PRKG1: variants seen among roughly 807,000 people sequenced by gnomAD.
The protein encoded by PRKG1 is cGMP-dependent protein kinase 1.
In PRKG1, 35 loss-of-function variants were observed where a neutral mutation model predicts 88.1. The ratio of observed to expected loss-of-function variants is 0.40; its 90% CI spans 0.30 to 0.53. PRKG1 has a LOEUF of 0.53. Among genes scored for constraint, PRKG1 ranks in the 20% least tolerant of loss-of-function variants. PRKG1 has a pLI of 0.59. For synonymous variants in PRKG1, 303 were observed against 292.5 expected (o/e 1.04, Z -0.37); for missense variants, 540 against 839.8 (o/e 0.64, Z 4.41).
chr10:51,557,901 A>C (rs1237258976), intron 3 of PRKG1, among the ~76,000 whole-genome samples: 1 of 151,828 alleles, frequency 6.6e-6, no homozygotes, highest in African/African-American at 2.4e-5. Context: ...ACACTGCCTC[A>C]GAGACTTATC....
chr10:51,678,392 T>A (rs1265512470), intron 3 of PRKG1, among the ~76,000 whole-genome samples: 1 of 152,184 alleles, frequency 6.6e-6, no homozygotes, highest in Non-Finnish European at 1.5e-5. Flanking sequence ...GGGATTGGGA[T>A]TTTTTAAATA....
At chr10:51,171,972 GTATCTTCAT>G (rs1837037782) in intron 2 of PRKG1, among the ~76,000 whole-genome samples, 2 of 151,174 alleles carry the variant, frequency 1.3e-5, no homozygotes, top group Non-Finnish European at 2.9e-5. Flanking sequence ...ATATTTTAAT[GTATCTTCAT>G]TACTAATGAA....
chr10:52,060,778 T>C (rs1846217875), intron 6 of PRKG1, among the ~76,000 whole-genome samples: 1 of 151,976 alleles, frequency 6.6e-6, no homozygotes, highest in Non-Finnish European at 1.5e-5. Context: ...AATAACCTTG[T>C]TCTTTATTCA....
chr10:52,186,036 T>G (rs977334263), intron 9 of PRKG1, among the ~76,000 whole-genome samples: 1 of 152,212 alleles, frequency 6.6e-6, no homozygotes, highest in Non-Finnish European at 1.5e-5. Flanking sequence ...TTAAATACCC[T>G]TATAGCAATG....
chr10:51,431,181 A>G (rs1045961517), intron 2 of PRKG1, among the ~76,000 whole-genome samples: 2 of 152,152 alleles, frequency 1.3e-5, no homozygotes, highest in African/African-American at 4.8e-5. Flanking sequence ...GAGTGAAGAG[A>G]AAGTGTATCA....
chr10:51,544,691 A>G (rs1326286368), intron 3 of PRKG1, among the ~76,000 whole-genome samples: 2 of 152,014 alleles, frequency 1.3e-5, no homozygotes, highest in East Asian at 1.9e-4. Flanking sequence ...AAGTGTTCCT[A>G]TTTCTCCACA....
At chr10:51,750,051 T>C (rs775008644) in intron 3 of PRKG1, among the ~76,000 whole-genome samples, 33 of 151,586 alleles carry the variant, frequency 2.2e-4, no homozygotes, top group Non-Finnish European at 1.8e-4. Flanking sequence ...TTCTCCTGTC[T>C]CAGCCTCCTG....
chr10:52,206,535 A>C (rs12355173), intron 9 of PRKG1, among the ~76,000 whole-genome samples: 1 of 152,058 alleles, frequency 6.6e-6, no homozygotes, highest in Non-Finnish European at 1.5e-5. Flanking sequence ...TCAACTGTGG[A>C]AGGTGATGTT....
At chr10:51,196,150 G>A (rs1369258453) in intron 2 of PRKG1, among the ~76,000 whole-genome samples, 1 of 152,138 alleles carries the variant, frequency 6.6e-6, no homozygotes, top group East Asian at 1.9e-4. Flanking sequence ...GTCTTTAGTA[G>A]GACAAGGTTG....
At chr10:52,223,298 T>C (rs1840297572) in intron 9 of PRKG1, among the ~76,000 whole-genome samples, 1 of 151,772 alleles carries the variant, frequency 6.6e-6, no homozygotes, top group Non-Finnish European at 1.5e-5. Context: ...GACCTCCGAC[T>C]TCTGAAATTC....
At chr10:51,024,485 C>A (rs545886933) in intron 1 of PRKG1, among the ~76,000 whole-genome samples, 1 of 151,986 alleles carries the variant, frequency 6.6e-6, no homozygotes, top group Non-Finnish European at 1.5e-5. Flanking sequence ...TTTATAATAA[C>A]CTATGGCATA....
chr10:51,184,779 C>T (rs776852028), intron 2 of PRKG1, among the ~76,000 whole-genome samples: 50 of 152,104 alleles, frequency 3.3e-4, no homozygotes, highest in Non-Finnish European at 4.3e-4. Context: ...TGCAACTCTT[C>T]GACCCATCTT....
chr10:51,390,576 C>T (rs896016508), intron 2 of PRKG1, among the ~76,000 whole-genome samples: 4 of 152,216 alleles, frequency 2.6e-5, no homozygotes, highest in Admixed American at 6.5e-5. Context: ...CTGCATAATA[C>T]TTAGTCTATC....
intron 2 of PRKG1, among the ~76,000 whole-genome samples, chr10:51,439,196 G>A (rs1222377171): frequency 6.6e-6 from 1 of 151,766 alleles, no homozygotes; most frequent in Non-Finnish European, 1.5e-5. Context: ...GGAAGAGAAG[G>A]ATTACAGTTC....
intron 2 of PRKG1, among the ~76,000 whole-genome samples, chr10:51,221,911 G>A (rs1208516796): frequency 3.1e-5 from 4 of 129,474 alleles, no homozygotes; most frequent in South Asian, 2.4e-4. Context: ...AGTTTCACTC[G>A]TCGCCCAGGC....
rs891154930 is a variant in PRKG1 at position 51,411,851 on chromosome 10, C to G, written c.479-55872C>G. ...GATCATTGTGCTTCTGAATGAAGGA[C>G]ATGGATTTAAAACCAACTAGAGGAT... is the stretch of plus-strand genomic sequence containing the variant. On this transcript the variant is annotated intron_variant, in intron 2 of 17. Coordinates refer to ENST00000373980, the MANE Select transcript of PRKG1 (RefSeq NM_006258.4). Among the ~76,000 whole-genome samples, 6 of 152,218 alleles carry G rather than the reference C, an allele frequency of 3.9e-5. No individual in the cohort carries two copies. The South Asian group carries it at 1.2e-3, about 32-fold the overall frequency.
At chr10:51,688,284 G>A (rs914265955) in intron 3 of PRKG1, among the ~76,000 whole-genome samples, 2 of 151,988 alleles carry the variant, frequency 1.3e-5, no homozygotes, top group African/African-American at 2.4e-5. Context: ...AGGTGATGCT[G>A]GTGCTGCTGG....
At chr10:51,689,158 T>A (rs970722592) in intron 3 of PRKG1, among the ~76,000 whole-genome samples, 5 of 152,152 alleles carry the variant, frequency 3.3e-5, no homozygotes, top group Non-Finnish European at 7.3e-5. Context: ...TGTAAGTTTC[T>A]GAGTCTGGGG....
At chr10:52,152,110 T>A (rs918484448) in intron 8 of PRKG1, among the ~76,000 whole-genome samples, 1 of 152,200 alleles carries the variant, frequency 6.6e-6, no homozygotes, top group African/African-American at 2.4e-5. Context: ...AGAGGACTTT[T>A]AACTCATATA....
Sources: allele counts gnomAD v4.1 joint callset (sites outside exome capture counted in the v4.1 genomes callset), GRCh38; gene constraint gnomAD v4.1.1; transcripts MANE v1.5; gene names NCBI Gene and HGNC (gene_info 2026-07-23, HGNC 2026-07-21).